The following NTRK1 variants were observed in gnomAD, a reference collection of about 807,000 sequenced individuals.
NTRK1 encodes neurotrophic receptor tyrosine kinase 1, also known as high affinity nerve growth factor receptor.
Under a neutral mutation model 86.8 loss-of-function variants are expected in NTRK1, and 62 were observed. That is an observed-to-expected ratio of 0.71 (90% CI 0.58 to 0.88). The LOEUF is 0.88. Among genes scored for constraint, NTRK1 ranks in the 40% least tolerant of loss-of-function variants. The probability of loss-of-function intolerance (pLI) is 0.00; values close to 1 mark genes in which losing one functional copy is unlikely to be tolerated. For synonymous variants in NTRK1, 469 were observed against 456.6 expected, an observed-to-expected ratio of 1.03 and a Z score of -0.35; for missense variants, 967 against 1,078.4, an observed-to-expected ratio of 0.90 and a Z score of 1.45.
intron 2 of NTRK1, chr1:156,851,841 G>T (rs779892442): frequency 6.3e-7 from 1 of 1,580,002 alleles, no homozygotes; most frequent in South Asian, 1.2e-5. Flanking sequence ...GGCCTCCTCA[G>T]GCCTCCTCAC....
At chr1:156,866,801 G>C (rs537829454) in intron 3 of NTRK1, 109 bp from the exon 4 acceptor site, 11 of 1,186,888 alleles carry the variant, frequency 9.3e-6, no homozygotes, top group South Asian at 3.7e-5. Context: ...AGGCCGGGGC[G>C]GGGGAGCCAG....
At chr1:156,851,110 T>C (rs1332986073) in intron 2 of NTRK1, 2 of 713,188 alleles carry the variant, frequency 2.8e-6, no homozygotes, top group Non-Finnish European at 5.0e-6. Context: ...AAGTAAGTAA[T>C]GTTATATTAG....
At chr1:156,862,773 C>G (rs1655715658) in intron 1 of NTRK1, among the ~76,000 whole-genome samples, 1 of 152,192 alleles carries the variant, frequency 6.6e-6, no homozygotes, top group Admixed American at 6.5e-5. Flanking sequence ...ATTCTCACCC[C>G]CTCCCTGGGT....
chr1:156,863,464 T>G (rs1169880504), intron 1 of NTRK1, among the ~76,000 whole-genome samples: 1 of 152,050 alleles, frequency 6.6e-6, no homozygotes, highest in African/African-American at 2.4e-5. Context: ...GTGCCTCTTC[T>G]CCCCTCCTCG....
intron 1 of NTRK1, among the ~76,000 whole-genome samples, chr1:156,827,119 G>A (rs527832167): frequency 4.6e-5 from 7 of 151,970 alleles, no homozygotes; most frequent in Non-Finnish European, 1.0e-4. Context: ...ATCTCTCTCT[G>A]TCACTCAGGC....
At chr1:156,844,758 G>T (rs1311129625) in intron 2 of NTRK1, 2 of 1,614,046 alleles carry the variant, frequency 1.2e-6, no homozygotes, top group Non-Finnish European at 1.7e-6. Flanking sequence ...GTCCGTTGGG[G>T]TCTGGTGGCT....
At chr1:156,879,847 G>C (rs762066102) in intron 15 of NTRK1, 152 bp from the exon 16 acceptor site, 1 of 874,438 alleles carries the variant, frequency 1.1e-6, no homozygotes, top group East Asian at 2.6e-5. Flanking sequence ...CTGACCTCGT[G>C]ATTGCCCACC....
At chr1:156,880,364 A>C (rs1407132794) in intron 16 of NTRK1, 3 of 622,810 alleles carry the variant, frequency 4.8e-6, no homozygotes, top group Non-Finnish European at 8.4e-6. Context: ...TACTGTCCTA[A>C]GCCCAGGCCC....
intron 4 of NTRK1, 82 bp downstream of exon 4, chr1:156,867,060 T>C (rs1305990686): frequency 7.1e-7 from 1 of 1,400,850 alleles, no homozygotes; most frequent in African/African-American, 1.4e-5. Context: ...TGACATTGGG[T>C]CACTGTGTCT....
chr1:156,826,508 C>T (rs965233998), intron 1 of NTRK1, among the ~76,000 whole-genome samples: 2 of 151,876 alleles, frequency 1.3e-5, no homozygotes, highest in African/African-American at 4.8e-5. Context: ...TCACCTTGGT[C>T]TTGATCTCCT....
chr1:156,845,464 G>A (rs928972931), intron 2 of NTRK1: 1 of 1,520,688 alleles, frequency 6.6e-7, no homozygotes, highest in Non-Finnish European at 8.8e-7. Context: ...GCACCCCTGT[G>A]CCCTCTGCAG....
At position 156,879,114 on chromosome 1, in the gene NTRK1, G is replaced by A; in HGVS notation, c.1806-8G>A. ...CCAGCCTATCCCCTCTCCTTTTCTT[G>A]TTCACAGATCCCATGGACCTGATGC... is the stretch of plus-strand genomic sequence containing the variant. On this transcript the variant is annotated splice_region_variant and splice_polypyrimidine_tract_variant and intron_variant, in intron 14 of 16. Transcript: ENST00000524377. 6.2e-7 allele frequency: 1 copy of A among 1,611,898 alleles called. No individual in the cohort carries two copies. Among genetic ancestry groups the A allele is most frequent in the Non-Finnish European group, 8.5e-7 (1 of 1,179,646 alleles).
rs1654024780 is a variant in NTRK1, at chr1:156,817,212, A to C, written c.-64+1374A>C. On this transcript the variant is annotated intron_variant, in intron 1 of 16. Coordinates refer to the NTRK1 transcript ENST00000392302. ...TGCTTATGGATCATGCTTTGAGGAG[A>C]CATGAGGAAGGGAGGGGGCAGGGCT... Among the ~76,000 whole-genome samples the C allele has an allele frequency of 2.0e-5, 3 of 151,980 alleles. No homozygotes were observed. In the South Asian group the frequency reaches 6.2e-4, roughly 32 times the overall value.
chr1:156,819,551 G>A lies in NTRK1; in HGVS notation c.-64+3713G>A, dbSNP rs569188899. 1.9e-3 allele frequency among the ~76,000 whole-genome samples: 289 copies of A among 148,438 alleles called. 1 individual carries two copies. Among genetic ancestry groups the A allele is most frequent in the African/African-American group, 6.6e-3 (266 of 40,220 alleles). On this transcript the variant is annotated intron_variant, in intron 1 of 16. Transcript: ENST00000392302. Reference sequence around the variant, plus strand: ...TTATTATTTTTTTAGATGGAGTTTCGCTCTTGTTGCCCATGCTGGAGTGCA... The same window carrying A: ...TTATTATTTTTTTAGATGGAGTTTCACTCTTGTTGCCCATGCTGGAGTGCA...
intron 1 of NTRK1, among the ~76,000 whole-genome samples, chr1:156,862,307 C>A (rs897988831): frequency 1.3e-5 from 2 of 152,130 alleles, no homozygotes; most frequent in Non-Finnish European, 2.9e-5. Flanking sequence ...ATGGCCTTGT[C>A]TTGGTCTAGG....
Position 156,861,038 on chromosome 1 carries a change from C to G in NTRK1, c.104C>G (p.Pro35Arg). ...ATACTGGCATCTGCGGGCGCCGCACCCTGCCCCGATGCCTGCTGCCCCCAC... is the reference window on the plus strand; with the variant it reads ...ATACTGGCATCTGCGGGCGCCGCACGCTGCCCCGATGCCTGCTGCCCCCAC... ...WLILASAGAA[P>R]CPDACCPHGS... is the part of the protein sequence containing the mutation. Residue 35 changes from proline (P) to arginine (R), a missense_variant, in exon 1 of 17, where the codon CCC becomes CGC. By Grantham distance (103) the Pro-to-Arg change is moderately radical. Transcript: ENST00000524377. The G allele has an allele frequency of 1.3e-6, 2 of 1,550,588 alleles. No homozygotes were observed. The highest frequency in any genetic ancestry group is 1.7e-6 in the Non-Finnish European group (2 of 1,153,102).
At chr1:156,821,871 T>C (rs914212061) in intron 1 of NTRK1, among the ~76,000 whole-genome samples, 1 of 152,206 alleles carries the variant, frequency 6.6e-6, no homozygotes, top group Admixed American at 6.5e-5. Flanking sequence ...GGAACCGACA[T>C]AGAGGTTTCA....
intron 14 of NTRK1, among the ~76,000 whole-genome samples, chr1:156,878,470 A>G (rs1648051118): frequency 6.6e-6 from 1 of 152,236 alleles, no homozygotes; most frequent in Admixed American, 6.5e-5. Context: ...GAAATGTTTA[A>G]CAAATGCCTC....
At position 156,844,269 on chromosome 1, in the gene NTRK1, C is replaced by T. The variant is rs575113619; in HGVS notation, c.50+2076C>T. On this transcript the variant is annotated intron_variant, in intron 2 of 16. Transcript: ENST00000392302. ...GTGAGGAGGACATGCAGCCCCCCAG[C>T]ATCCTCCTCCTCTGGCAGTCAGAGG... The T allele has an allele frequency of 6.0e-5, 97 of 1,612,968 alleles. 2 individuals carry two copies. The South Asian group carries it at 1.0e-3, about 17-fold the overall frequency.
Sources: allele counts gnomAD v4.1 joint callset (sites outside exome capture counted in the v4.1 genomes callset), GRCh38; gene constraint gnomAD v4.1.1; transcripts MANE v1.5; gene names NCBI Gene and HGNC (gene_info 2026-07-23, HGNC 2026-07-21).